Variants in CTNNA2 observed in about 807,000 individuals in gnomAD.
CTNNA2 encodes catenin alpha-2.
A neutral mutation model predicts 101.0 loss-of-function variants in CTNNA2; 42 were observed. That is an observed-to-expected ratio of 0.42 (90% CI 0.32 to 0.54). CTNNA2 has a LOEUF of 0.54. CTNNA2 is among the 20% of genes least tolerant of loss of function. CTNNA2 has a pLI of 0.14. For synonymous variants in CTNNA2, 450 were observed against 456.4 expected (o/e 0.99, Z 0.18); for missense variants, 871 against 1,223.1 (o/e 0.71, Z 4.29).
intron 4 of CTNNA2, among the ~76,000 whole-genome samples, chr2:79,378,951 C>T (rs1323975210): frequency 4.6e-5 from 7 of 152,112 alleles, no homozygotes; most frequent in Non-Finnish European, 1.0e-4. Context: ...GCAGCAGGAT[C>T]GCTCAGGTGG....
chr2:79,694,810 T>C (rs1013762517), intron 2 of CTNNA2, among the ~76,000 whole-genome samples: 1 of 151,958 alleles, frequency 6.6e-6, no homozygotes, highest in African/African-American at 2.4e-5. Context: ...TCCTTAAATC[T>C]TCTTTTGTCT....
intron 9 of CTNNA2, among the ~76,000 whole-genome samples, chr2:80,438,597 T>A (rs1682264368): frequency 6.6e-6 from 1 of 152,188 alleles, no homozygotes; most frequent in Non-Finnish European, 1.5e-5. Flanking sequence ...TGATACAGAT[T>A]CTTTCACCTT....
chr2:80,222,556 A>T (rs1269093491), intron 7 of CTNNA2, among the ~76,000 whole-genome samples: 1 of 152,170 alleles, frequency 6.6e-6, no homozygotes, highest in Non-Finnish European at 1.5e-5. Flanking sequence ...CAAAGACAGA[A>T]CTAGAATTTT....
intron 4 of CTNNA2, among the ~76,000 whole-genome samples, chr2:79,492,469 GTAAT>G (rs1671214878): frequency 6.6e-6 from 1 of 151,910 alleles, no homozygotes; most frequent in African/African-American, 2.4e-5. Context: ...AAATGTGAAA[GTAAT>G]TAAACTGTTT....
intron 2 of CTNNA2, among the ~76,000 whole-genome samples, chr2:79,229,291 T>A (rs1350822653): frequency 1.3e-5 from 2 of 152,198 alleles, no homozygotes; most frequent in African/African-American, 2.4e-5. Context: ...GAATTGTATC[T>A]CCCAGAATTC....
chr2:80,321,437 A>G (rs1162252059), intron 7 of CTNNA2, among the ~76,000 whole-genome samples: 2 of 152,224 alleles, frequency 1.3e-5, no homozygotes. Flanking sequence ...CGGAGTACAG[A>G]TGCTGGGGGA....
chr2:79,870,280 G>T (rs1416779679), intron 5 of CTNNA2, among the ~76,000 whole-genome samples: 1 of 152,150 alleles, frequency 6.6e-6, no homozygotes, highest in African/African-American at 2.4e-5. Flanking sequence ...TCAGTCTCTG[G>T]ATGTCACCCT....
chr2:80,590,635 C>T (rs1049174407), intron 15 of CTNNA2, among the ~76,000 whole-genome samples: 3 of 152,098 alleles, frequency 2.0e-5, no homozygotes, highest in Admixed American at 6.5e-5. Flanking sequence ...AACATCTCTG[C>T]GTCACCCCCT....
intron 8 of CTNNA2, among the ~76,000 whole-genome samples, chr2:80,417,473 T>C (rs970743636): frequency 1.3e-5 from 2 of 151,872 alleles, no homozygotes; most frequent in African/African-American, 4.8e-5. Flanking sequence ...TTGTCACATT[T>C]TCTAAAATGG....
intron 1 of CTNNA2, chr2:79,523,305 TG>T: frequency 2.3e-6 from 1 of 443,460 alleles, no homozygotes; most frequent in Non-Finnish European, 4.5e-6. Flanking sequence ...GAAATAGAGG[TG>T]AAGGTTTGTG....
chr2:79,298,284 A>C (rs981075043), intron 2 of CTNNA2, among the ~76,000 whole-genome samples: 1 of 152,142 alleles, frequency 6.6e-6, no homozygotes, highest in Non-Finnish European at 1.5e-5. Flanking sequence ...TTTAACAATC[A>C]GATCTCTCAG....
intron 3 of CTNNA2, among the ~76,000 whole-genome samples, chr2:79,815,599 A>C (rs1000926744): frequency 6.6e-6 from 1 of 152,114 alleles, no homozygotes; most frequent in African/African-American, 2.4e-5. Context: ...TGGGTTCTCT[A>C]TTCTGTTCCA....
intron 9 of CTNNA2, among the ~76,000 whole-genome samples, chr2:80,534,368 A>G (rs1690808683): frequency 1.3e-5 from 2 of 152,162 alleles, no homozygotes; most frequent in Admixed American, 1.3e-4. Context: ...ATTAACTGAT[A>G]CAGAAAAGTT....
chr2:79,961,939 G>C (rs1365478662), intron 7 of CTNNA2, among the ~76,000 whole-genome samples: 1 of 151,434 alleles, frequency 6.6e-6, no homozygotes, highest in Non-Finnish European at 1.5e-5. Flanking sequence ...ATCCAGATAA[G>C]TGACCTGAAG....
At chr2:80,580,427 TA>T (rs1446005798) in intron 13 of CTNNA2, among the ~76,000 whole-genome samples, 8 of 152,186 alleles carry the variant, frequency 5.3e-5, no homozygotes, top group African/African-American at 1.9e-4. Context: ...GTAACGTGAA[TA>T]AACTACAACA....
intron 3 of CTNNA2, among the ~76,000 whole-genome samples, chr2:79,769,093 G>A (rs922780135): frequency 7.9e-5 from 12 of 152,144 alleles, no homozygotes; most frequent in African/African-American, 2.2e-4. Context: ...CTGACCTCGT[G>A]ATCCGCCCGG....
chr2:80,221,352 A>T (rs1434931316), intron 7 of CTNNA2, among the ~76,000 whole-genome samples: 1 of 152,166 alleles, frequency 6.6e-6, no homozygotes, highest in Non-Finnish European at 1.5e-5. Flanking sequence ...CTTCTGCAGT[A>T]GAGGGGTGTA....
chr2:79,918,840 A>C (rs928058959), intron 7 of CTNNA2, among the ~76,000 whole-genome samples: 5 of 152,230 alleles, frequency 3.3e-5, no homozygotes, highest in African/African-American at 1.2e-4. Flanking sequence ...AAACAGAACA[A>C]GCCACTGTGA....
At chr2:79,888,775 A>G (rs1307795472) in intron 6 of CTNNA2, among the ~76,000 whole-genome samples, 2 of 152,070 alleles carry the variant, frequency 1.3e-5, no homozygotes, top group Admixed American at 1.3e-4. Context: ...TTTAGGTCTG[A>G]TTTCACCTTT....
Sources: gnomAD v4.1 joint callset for allele counts (sites outside exome capture counted in the v4.1 genomes callset) on GRCh38, gnomAD v4.1.1 for gene constraint, MANE v1.5 for transcripts, NCBI Gene and HGNC (gene_info 2026-07-23, HGNC 2026-07-21) for gene names.